The following AFF3 variants were observed in gnomAD, a reference collection of about 807,000 sequenced individuals.
AFF3 encodes AF4/FMR2 family member 3.
AFF3 carries 32 observed loss-of-function variants against 129.7 expected under a neutral mutation model. The observed-to-expected ratio is 0.25, with a 90% CI of 0.19 to 0.33. The LOEUF (loss-of-function observed/expected upper bound fraction) is 0.33, where lower values mean the gene tolerates loss of function less well. AFF3 is among the 10% of genes least tolerant of loss of function. The probability of loss-of-function intolerance (pLI) is 1.00; values close to 1 mark genes in which losing one functional copy is unlikely to be tolerated. For missense variants in AFF3, 1,373 were observed against 1,592.0 expected, an observed-to-expected ratio of 0.86 and a Z score of 2.34; for synonymous variants, 644 against 635.4, an observed-to-expected ratio of 1.01 and a Z score of -0.20.
intron 13 of AFF3, among the ~76,000 whole-genome samples, chr2:99,642,690 CG>C (rs1553414529): frequency 6.6e-6 from 1 of 152,196 alleles, no homozygotes; most frequent in Non-Finnish European, 1.5e-5. Flanking sequence ...CTCCTATCTC[CG>C]ACCCCAGCCA....
intron 2 of AFF3, among the ~76,000 whole-genome samples, chr2:100,123,210 T>C (rs1692051095): frequency 6.6e-6 from 1 of 152,218 alleles, no homozygotes; most frequent in South Asian, 2.1e-4. Flanking sequence ...CCCTCAATTT[T>C]TGTAGCATGT....
chr2:99,631,971 T>C (rs1340152972), intron 13 of AFF3, among the ~76,000 whole-genome samples: 1 of 151,340 alleles, frequency 6.6e-6, no homozygotes, highest in Non-Finnish European at 1.5e-5. Flanking sequence ...CCATAAAAAA[T>C]GCATAAGGTT....
intron 4 of AFF3, among the ~76,000 whole-genome samples, chr2:100,063,924 TACTAAAA>T (rs1180027477): frequency 6.6e-6 from 1 of 151,766 alleles, no homozygotes; most frequent in Non-Finnish European, 1.5e-5. Context: ...ACCCCATATC[TACTAAAA>T]ATACAAACTT....
intron 8 of AFF3, among the ~76,000 whole-genome samples, chr2:99,796,274 C>G (rs1685549956): frequency 1.3e-5 from 2 of 152,188 alleles, no homozygotes; most frequent in South Asian, 4.1e-4. Flanking sequence ...CACTGTAGCA[C>G]CCACTGCAAC....
At position 99,678,903 on chromosome 2, in the gene AFF3, GTGCTACCATC is replaced by G. The variant is rs1387175891; in HGVS notation, c.1092-6324_1092-6315del. 2.0e-5 allele frequency among the ~76,000 whole-genome samples: 3 copies of G among 152,188 alleles called. No homozygotes were observed. In the East Asian group the frequency reaches 5.8e-4, roughly 29 times the overall value. The stretch of plus-strand genomic sequence containing the variant: ...GAAGTCTACTGCTTTGTCAGGGTCA[GTGCTACCATC>G]TGCCTGTGGTTATTTTCATTAACAA... On this transcript the variant is annotated intron_variant, in intron 11 of 24. Coordinates refer to ENST00000672756, the MANE Select transcript of AFF3 (RefSeq NM_001386135.1).
intron 13 of AFF3, among the ~76,000 whole-genome samples, chr2:99,648,386 A>C (rs1340747838): frequency 6.6e-6 from 1 of 152,214 alleles, no homozygotes; most frequent in Non-Finnish European, 1.5e-5. Context: ...TGTATAGGAA[A>C]GAAATGACTA....
chr2:99,633,549 G>T (rs12474603), intron 13 of AFF3, among the ~76,000 whole-genome samples: 1 of 152,020 alleles, frequency 6.6e-6, no homozygotes, highest in Non-Finnish European at 1.5e-5. Context: ...AACAAAACCA[G>T]CATTGGAGTT....
intron 7 of AFF3, among the ~76,000 whole-genome samples, chr2:99,840,727 G>C (rs1004391298): frequency 1.3e-5 from 2 of 152,092 alleles, no homozygotes; most frequent in African/African-American, 4.8e-5. Context: ...GATACAACTG[G>C]ATCAGAGAGC....
At chr2:100,086,387 G>A (rs1302700104) in intron 4 of AFF3, among the ~76,000 whole-genome samples, 24 of 151,694 alleles carry the variant, frequency 1.6e-4, no homozygotes, top group African/African-American at 5.1e-4. Flanking sequence ...TGGGTGTGGT[G>A]GCACAAGCCT....
At chr2:99,958,735 G>T (rs1676912172) in intron 7 of AFF3, among the ~76,000 whole-genome samples, 1 of 152,016 alleles carries the variant, frequency 6.6e-6, no homozygotes, top group African/African-American at 2.4e-5. Context: ...GGGTGGAAAA[G>T]ACCACGTTTC....
At chr2:99,720,974 T>A (rs1280408220) in intron 11 of AFF3, among the ~76,000 whole-genome samples, 1 of 152,222 alleles carries the variant, frequency 6.6e-6, no homozygotes, top group Admixed American at 6.5e-5. Flanking sequence ...ATATTTTACA[T>A]CTGCATACAT....
At chr2:99,740,942 G>A (rs1204327911) in intron 10 of AFF3, among the ~76,000 whole-genome samples, 8 of 152,130 alleles carry the variant, frequency 5.3e-5, no homozygotes, top group Admixed American at 6.6e-5. Flanking sequence ...TAGGTCTAAC[G>A]TTTAAGTCTT....
At chr2:99,811,177 A>G (rs1686757321) in intron 8 of AFF3, among the ~76,000 whole-genome samples, 1 of 152,216 alleles carries the variant, frequency 6.6e-6, no homozygotes, top group Admixed American at 6.5e-5. Context: ...ATGAAAGGTC[A>G]TTCATTCTAT....
At chr2:99,851,852 C>T (rs1182336368) in intron 7 of AFF3, among the ~76,000 whole-genome samples, 2 of 152,182 alleles carry the variant, frequency 1.3e-5, no homozygotes, top group African/African-American at 4.8e-5. Context: ...AGCCAATGGT[C>T]CTTTTCTAGA....
At chr2:99,655,201 G>C in intron 12 of AFF3, among the ~76,000 whole-genome samples, 1 of 144,240 alleles carries the variant, frequency 6.9e-6, no homozygotes, top group Non-Finnish European at 1.5e-5. Context: ...AGGTGGGGCA[G>C]ACATGAAAAG....
At chr2:99,803,236 T>C (rs1440482265) in intron 8 of AFF3, among the ~76,000 whole-genome samples, 1 of 152,228 alleles carries the variant, frequency 6.6e-6, no homozygotes, top group East Asian at 1.9e-4. Context: ...GTTGGTGTGA[T>C]GTATCACATT....
chr2:100,060,630 T>A (rs1378798856), intron 4 of AFF3, among the ~76,000 whole-genome samples: 1 of 152,194 alleles, frequency 6.6e-6, no homozygotes. Flanking sequence ...GAATTTTAAA[T>A]AGTTTTACAT....
At chr2:99,701,790 C>T (rs1001218573) in intron 11 of AFF3, among the ~76,000 whole-genome samples, 4 of 152,220 alleles carry the variant, frequency 2.6e-5, no homozygotes, top group East Asian at 1.9e-4. Flanking sequence ...TCACCACAAA[C>T]GTCTTTCATG....
At chr2:99,859,433 T>G (rs1159477019) in intron 7 of AFF3, among the ~76,000 whole-genome samples, 1 of 152,180 alleles carries the variant, frequency 6.6e-6, no homozygotes, top group East Asian at 1.9e-4. Flanking sequence ...TGGGGTGGGA[T>G]CCAAGATTTT....
Sources: allele counts gnomAD v4.1 joint callset (sites outside exome capture counted in the v4.1 genomes callset), GRCh38; gene constraint gnomAD v4.1.1; transcripts MANE v1.5; gene names NCBI Gene and HGNC (gene_info 2026-07-23, HGNC 2026-07-21).